NOL9: variants seen among roughly 807,000 people sequenced by gnomAD.
NOL9 encodes the protein polynucleotide 5'-hydroxyl-kinase NOL9.
In NOL9, 28 loss-of-function variants were observed where a neutral mutation model predicts 67.9. That is an observed-to-expected ratio of 0.41 (90% CI 0.31 to 0.57). The LOEUF (loss-of-function observed/expected upper bound fraction) is 0.57. Among genes scored for constraint, NOL9 ranks in the 20% least tolerant of loss-of-function variants. The pLI is 0.25. For synonymous variants in NOL9, 356 were observed against 352.2 expected, an observed-to-expected ratio of 1.01 and a Z score of -0.12; for missense variants, 777 against 897.0, an observed-to-expected ratio of 0.87 and a Z score of 1.71.
intron 6 of NOL9, among the ~76,000 whole-genome samples, chr1:6,537,950 C>T (rs888943129): frequency 5.5e-4 from 80 of 146,124 alleles, no homozygotes; most frequent in South Asian, 2.2e-3. Context: ...GGTGAAACCC[C>T]GTCTGCACTC....
chr1:6,548,459 TCTTAAGAGA>T (rs1570082544), intron 3 of NOL9: 2 of 232,236 alleles, frequency 8.6e-6, no homozygotes, highest in Admixed American at 8.0e-5. Flanking sequence ...GACCTAAAGT[TCTTAAGAGA>T]TTGTCCAAAA....
At chr1:6,537,991 C>CAAAAA (rs35793215) in intron 6 of NOL9, among the ~76,000 whole-genome samples, 6 of 52,482 alleles carry the variant, frequency 1.1e-4, no homozygotes, top group African/African-American at 4.0e-4. Flanking sequence ...GACTCCATCT[C>CAAAAA]AAAAAAAAAA....
chr1:6,546,210 A>G (rs1639419290), intron 3 of NOL9, among the ~76,000 whole-genome samples: 1 of 152,198 alleles, frequency 6.6e-6, no homozygotes, highest in Admixed American at 6.6e-5. Context: ...GAAAGAGCAT[A>G]AGAAATATGA....
intron 7 of NOL9, 108 bp downstream of exon 7, chr1:6,533,172 C>T: frequency 8.4e-7 from 1 of 1,188,012 alleles, no homozygotes; most frequent in Non-Finnish European, 1.2e-6. Context: ...GAGACCCTGC[C>T]TCAATTAAAA....
At chr1:6,552,143 T>TG (rs1481533267) in intron 1 of NOL9, among the ~76,000 whole-genome samples, 1 of 152,146 alleles carries the variant, frequency 6.6e-6, no homozygotes, top group Non-Finnish European at 1.5e-5. Flanking sequence ...CTGGAGCCTG[T>TG]GGGGGTCTGG....
intron 5 of NOL9, among the ~76,000 whole-genome samples, chr1:6,544,463 A>T (rs1480655309): frequency 6.6e-6 from 1 of 151,718 alleles, no homozygotes; most frequent in Non-Finnish European, 1.5e-5. Context: ...CAAGACTATG[A>T]GGTATGACTG....
chr1:6,535,925 T>C lies in NOL9; in HGVS notation c.1076-2484A>G, dbSNP rs1286419658. 1.1e-4 allele frequency among the ~76,000 whole-genome samples: 8 copies of C among 69,634 alleles called. No homozygotes were observed. The South Asian group carries it at 1.7e-3, about 15-fold the overall frequency. 45.7% of individuals were successfully genotyped at this position (69,634 alleles called of 152,430 possible). The stretch of plus-strand genomic sequence containing the variant: ...CCTGGGCAGCAAGAGCGAAACTCCA[T>C]CTCAAAAAAAAAAAAAAAGTTGGAG... On this transcript the variant is annotated intron_variant, in intron 6 of 11. Transcript: ENST00000377705.
At chr1:6,527,748 G>A (rs1222312183) in intron 10 of NOL9, among the ~76,000 whole-genome samples, 2 of 151,742 alleles carry the variant, frequency 1.3e-5, no homozygotes, top group African/African-American at 4.8e-5. Context: ...GCTGACCAAC[G>A]TGGTGAAACC....
intron 9 of NOL9, among the ~76,000 whole-genome samples, chr1:6,531,213 C>A (rs895911241): frequency 1.3e-5 from 2 of 151,802 alleles, no homozygotes; most frequent in Non-Finnish European, 2.9e-5. Context: ...ATGTGAAGTA[C>A]TTCTTTTTTT....
chr1:6,533,047 C>T (rs1486036075), intron 7 of NOL9, among the ~76,000 whole-genome samples: 1 of 152,154 alleles, frequency 6.6e-6, no homozygotes, highest in African/African-American at 2.4e-5. Context: ...GAGTGGCACA[C>T]GCCTGTGGTC....
At chr1:6,539,839 T>C (rs1247810821) in intron 6 of NOL9, among the ~76,000 whole-genome samples, 1 of 152,194 alleles carries the variant, frequency 6.6e-6, no homozygotes. Flanking sequence ...AATACTATGC[T>C]GAGTGAAATA....
In NOL9 at chr1:6,527,639, C is replaced by CA. The variant is rs796666090; in HGVS notation, c.1826-811dup. ...GTCTCAAAAACAAAACAAAACAAAA[C>CA]AAAAAAAAAACAGCCTGGGCACAGT... On this transcript the variant is annotated intron_variant, in intron 10 of 11. Coordinates refer to ENST00000377705, the MANE Select transcript of NOL9 (RefSeq NM_024654.5). Among the ~76,000 whole-genome samples the CA allele has an allele frequency of 0.015, 424 of 28,606 alleles. 6 individuals are homozygous for CA. In the East Asian group the frequency reaches 0.25, roughly 17 times the overall value. 18.8% of individuals were successfully genotyped at this position (28,606 alleles called of 152,430 possible).
In NOL9 at chr1:6,550,248, G is replaced by A. The variant is rs954649424; in HGVS notation, c.616+148C>T. On this transcript the variant is annotated intron_variant, in intron 2 of 11. Transcript: ENST00000377705. ...GGGTTTCACCATCTTAGCCAGGATGGTCTCGATCTCCTGACCTCATGATCC... is the reference window on the plus strand; with the variant it reads ...GGGTTTCACCATCTTAGCCAGGATGATCTCGATCTCCTGACCTCATGATCC... 5 of 637,182 alleles carry A rather than the reference G, an allele frequency of 7.8e-6. No homozygotes were observed. In the African/African-American group the frequency reaches 9.2e-5, roughly 12 times the overall value. 39.5% of individuals were successfully genotyped at this position (637,182 alleles called of 1,614,324 possible).
chr1:6,541,196 G>C (rs1336803073), intron 6 of NOL9, among the ~76,000 whole-genome samples: 1 of 151,648 alleles, frequency 6.6e-6, no homozygotes, highest in African/African-American at 2.4e-5. Flanking sequence ...TTGTTTTTTT[G>C]GGTTTTGAGA....
rs140904774 is a variant in NOL9 at position 6,525,880 on chromosome 1, G to A, written c.2083C>T (p.Pro695Ser). The A allele has an allele frequency of 2.0e-4, 317 of 1,614,076 alleles. 2 individuals are homozygous for A. The Middle Eastern group carries it at 2.0e-3, about 10-fold the overall frequency. The change falls in exon 12 of 12, where the codon CCT becomes TCT. Residue 695 changes from proline to serine, a missense_variant. Transcript: ENST00000377705. ...EAHKEKPYRR[P>S]KFCRKMK is the part of the protein sequence containing the mutation. ...CACTTCATTTTTCGACAGAACTTAG[G>A]TCTTCGGTATGGTTTCTCTTTATGT...
In NOL9 at chr1:6,524,013, A is replaced by T. The variant is rs1245565842; in HGVS notation, c.*1841T>A. The T allele has an allele frequency of 1.3e-5, 2 of 152,244 alleles. No individual in the cohort carries two copies. Among genetic ancestry groups the T allele is most frequent in the African/African-American group, 4.8e-5 (2 of 41,458 alleles). The allele number at this position is 152,244 out of a possible 1,614,324, so 9.4% of individuals were successfully genotyped here. ...GAAAGTGGAGAAAGGCAAAACATTG[A>T]TGGTGATGGATTGTCTTAAAATTCT... On this transcript the variant is annotated 3_prime_UTR_variant, in exon 12 of 12. Coordinates refer to ENST00000377705, the MANE Select transcript of NOL9 (RefSeq NM_024654.5).
intron 9 of NOL9, among the ~76,000 whole-genome samples, chr1:6,530,887 G>A (rs545314728): frequency 5.9e-5 from 9 of 152,360 alleles, no homozygotes; most frequent in African/African-American, 2.2e-4. Flanking sequence ...CTCAGAGTCG[G>A]GCGTCCTGCG....
At chr1:6,529,199 A>G (rs926910818) in intron 9 of NOL9, 28 bp from the exon 10 acceptor site, 9 of 1,595,370 alleles carry the variant, frequency 5.6e-6, no homozygotes, top group Non-Finnish European at 7.7e-6. Flanking sequence ...ATCTCACTCT[A>G]TTCATGGCTA....
At chr1:6,537,304 A>G (rs1030214582) in intron 6 of NOL9, among the ~76,000 whole-genome samples, 1 of 152,152 alleles carries the variant, frequency 6.6e-6, no homozygotes, top group East Asian at 1.9e-4. Context: ...CTAGAGGAAA[A>G]GCTTCATGAC....
Sources: gnomAD v4.1 joint callset for allele counts (sites outside exome capture counted in the v4.1 genomes callset) on GRCh38, gnomAD v4.1.1 for gene constraint, MANE v1.5 for transcripts, NCBI Gene and HGNC (gene_info 2026-07-23, HGNC 2026-07-21) for gene names.